Variants in MAGI1 observed in about 807,000 individuals in gnomAD.
MAGI1 encodes the protein membrane-associated guanylate kinase, WW and PDZ domain-containing protein 1.
A neutral mutation model predicts 139.9 loss-of-function variants in MAGI1; 58 were observed. The observed-to-expected ratio is 0.41, with a 90% CI of 0.34 to 0.52. The LOEUF (loss-of-function observed/expected upper bound fraction) is 0.52, where lower values mean the gene tolerates loss of function less well. MAGI1 is among the 20% of genes least tolerant of loss of function. The pLI is 0.12. For missense variants in MAGI1, 1,874 were observed against 1,901.6 expected (o/e 0.99, Z 0.27); for synonymous variants, 812 against 737.9 (o/e 1.10, Z -1.63).
intron 1 of MAGI1, among the ~76,000 whole-genome samples, chr3:65,730,581 C>T (rs2034084300): frequency 6.6e-6 from 1 of 152,154 alleles, no homozygotes; most frequent in African/African-American, 2.4e-5. Context: ...CTGGCTTAGA[C>T]CAACTGTGAT....
intron 6 of MAGI1, among the ~76,000 whole-genome samples, chr3:65,450,335 AG>A (rs1174071762): frequency 1.3e-5 from 2 of 152,284 alleles, no homozygotes; most frequent in East Asian, 3.9e-4. Flanking sequence ...TCTGTATGGG[AG>A]ATGAGCATGA....
intron 3 of MAGI1, among the ~76,000 whole-genome samples, chr3:65,484,549 G>C (rs1198230104): frequency 2.0e-5 from 3 of 152,098 alleles, no homozygotes; most frequent in African/African-American, 7.2e-5. Context: ...TGAATACATG[G>C]ACATCCAGCA....
At chr3:65,516,874 C>T (rs1243581290) in intron 2 of MAGI1, among the ~76,000 whole-genome samples, 1 of 135,384 alleles carries the variant, frequency 7.4e-6, no homozygotes. Flanking sequence ...ACTACAGGCG[C>T]CCGCCACTAC....
intron 1 of MAGI1, among the ~76,000 whole-genome samples, chr3:65,717,883 C>T (rs563784931): frequency 1.3e-5 from 2 of 152,274 alleles, no homozygotes; most frequent in Non-Finnish European, 2.9e-5. Context: ...GCTGAATCAG[C>T]TCCAGCTCCA....
intron 1 of MAGI1, among the ~76,000 whole-genome samples, chr3:65,796,646 T>C (rs146049775): frequency 7.9e-4 from 121 of 152,346 alleles, no homozygotes; most frequent in African/African-American, 2.8e-3. Flanking sequence ...TTACTTTAAA[T>C]CTTTTTAAAT....
intron 1 of MAGI1, among the ~76,000 whole-genome samples, chr3:65,816,764 G>C (rs2041630605): frequency 6.6e-6 from 1 of 152,132 alleles, no homozygotes; most frequent in Non-Finnish European, 1.5e-5. Flanking sequence ...CCAGTTGCTA[G>C]CCATGGCCAG....
At chr3:65,522,584 C>CTTCCCAAACTCTACACAGTAAA (rs2078211459) in intron 2 of MAGI1, among the ~76,000 whole-genome samples, 2 of 152,286 alleles carry the variant, frequency 1.3e-5, no homozygotes, top group East Asian at 1.9e-4. Flanking sequence ...CCTCCAGTAG[C>CTTCCCAAACTCTACACAGTAAA]TTCCCAAACT....
chr3:65,390,363 G>C (rs1943819740), intron 14 of MAGI1, among the ~76,000 whole-genome samples: 1 of 152,010 alleles, frequency 6.6e-6, no homozygotes, highest in Non-Finnish European at 1.5e-5. Flanking sequence ...GCCTCACCCT[G>C]ACCATTATAA....
In MAGI1 at chr3:65,688,284, A is replaced by T. The variant is rs1163567320; in HGVS notation, c.314-66196T>A. On this transcript the variant is annotated intron_variant, in intron 1 of 22. Coordinates refer to ENST00000402939, the MANE Select transcript of MAGI1 (RefSeq NM_001033057.2). ...CCTCTCACATGGTGGCTTTAGGAAG[A>T]TCCTTGGCCAGGAGGGTGATGCCAG... The T allele has an allele frequency of 3.6e-6, 3 of 838,858 alleles. No individual in the cohort carries two copies. In the East Asian group the frequency reaches 1.0e-4, roughly 29 times the overall value. The allele number at this position is 838,858 out of a possible 1,614,324, so 52.0% of individuals were successfully genotyped here.
intron 1 of MAGI1, among the ~76,000 whole-genome samples, chr3:65,659,768 A>G (rs2086089109): frequency 6.6e-6 from 1 of 152,198 alleles, no homozygotes; most frequent in Non-Finnish European, 1.5e-5. Flanking sequence ...CCTGGATATC[A>G]GCTGGAACTG....
At chr3:65,836,241 A>T (rs552016842) in intron 1 of MAGI1, among the ~76,000 whole-genome samples, 40 of 152,334 alleles carry the variant, frequency 2.6e-4, no homozygotes, top group Admixed American at 2.2e-3. Flanking sequence ...GCAAAATGTG[A>T]ATAATTTGCT....
intron 1 of MAGI1, among the ~76,000 whole-genome samples, chr3:65,851,467 T>G (rs1170059144): frequency 6.6e-6 from 1 of 151,924 alleles, no homozygotes; most frequent in Non-Finnish European, 1.5e-5. Flanking sequence ...TCTGTTAGGT[T>G]GCCAGGCGCG....
At chr3:65,562,613 T>A (rs2080413325) in intron 2 of MAGI1, among the ~76,000 whole-genome samples, 1 of 152,186 alleles carries the variant, frequency 6.6e-6, no homozygotes. Context: ...CTCAGCCTTC[T>A]GGGGAGGTGG....
chr3:65,711,507 C>T (rs2031414978), intron 1 of MAGI1, among the ~76,000 whole-genome samples: 1 of 152,086 alleles, frequency 6.6e-6, no homozygotes, highest in Non-Finnish European at 1.5e-5. Context: ...TAGGCAATTC[C>T]CTGCTATGAG....
At chr3:65,817,294 GAACTT>G (rs2041665837) in intron 1 of MAGI1, among the ~76,000 whole-genome samples, 1 of 150,494 alleles carries the variant, frequency 6.6e-6, no homozygotes, top group Non-Finnish European at 1.5e-5. Flanking sequence ...TATTATATCT[GAACTT>G]AATTTAATTT....
chr3:65,932,588 T>G (rs1360298835), intron 1 of MAGI1, among the ~76,000 whole-genome samples: 1 of 152,158 alleles, frequency 6.6e-6, no homozygotes, highest in Non-Finnish European at 1.5e-5. Flanking sequence ...GCCTTAGGCA[T>G]CGGCACCTAA....
intron 1 of MAGI1, chr3:65,874,620 T>C (rs1386838920): frequency 2.6e-5 from 4 of 152,182 alleles, no homozygotes; most frequent in African/African-American, 9.7e-5. Flanking sequence ...CAAGTGCTGG[T>C]GACGACGTGA....
chr3:65,585,025 C>G (rs7653877), intron 2 of MAGI1, among the ~76,000 whole-genome samples: 100,888 of 152,078 alleles, frequency 0.66, 34,253 homozygotes, highest in East Asian at 0.94. Flanking sequence ...CTACCATTCA[C>G]TGAATGCCTA....
intron 1 of MAGI1, among the ~76,000 whole-genome samples, chr3:65,800,138 A>G (rs2040421722): frequency 6.6e-6 from 1 of 152,112 alleles, no homozygotes; most frequent in Admixed American, 6.6e-5. Context: ...CCTGCTCCAT[A>G]TGGGGTTCTA....
Sources: allele counts gnomAD v4.1 joint callset (sites outside exome capture counted in the v4.1 genomes callset), GRCh38; gene constraint gnomAD v4.1.1; transcripts MANE v1.5; gene names NCBI Gene and HGNC (gene_info 2026-07-23, HGNC 2026-07-21).